KLHL4: variants seen among roughly 807,000 people sequenced by gnomAD.
The protein encoded by KLHL4 is kelch like family member 4.
A neutral mutation model predicts 45.8 loss-of-function variants in KLHL4; 17 were observed. That is an observed-to-expected ratio of 0.37 (90% CI 0.25 to 0.56). The LOEUF is 0.56. Among genes scored for constraint, KLHL4 ranks in the 20% least tolerant of loss-of-function variants. The probability of loss-of-function intolerance (pLI) is 0.79; values close to 1 mark genes in which losing one functional copy is unlikely to be tolerated. For synonymous variants in KLHL4, 224 were observed against 189.9 expected, an observed-to-expected ratio of 1.18 and a Z score of -1.47; for missense variants, 544 against 544.9, an observed-to-expected ratio of 1.00 and a Z score of 0.02.
At position 87,625,604 on chromosome X, in the gene KLHL4, T is replaced by G; in HGVS notation, c.1138-6T>G. ...CATTCATATACCATGCATCACTACT[T>G]TTCAGTTACTGGCAGATCTTGAAAC... On this transcript the variant is annotated splice_region_variant and splice_polypyrimidine_tract_variant and intron_variant, in intron 5 of 10. Transcript: ENST00000373119. 1 of 1,193,453 alleles carries G rather than the reference T, an allele frequency of 8.4e-7. No homozygotes were observed. The highest frequency in any genetic ancestry group is 1.1e-6 in the Non-Finnish European group (1 of 883,711).
At chrX:87,544,283 G>C (rs5967848) in intron 1 of KLHL4, among the ~76,000 whole-genome samples, 26,849 of 110,607 alleles carry the variant, frequency 0.24, 2,762 homozygotes, top group East Asian at 0.51. Flanking sequence ...CTTGTGTTTT[G>C]AGTGCCAGTT....
rs866156155 is a variant in KLHL4, at chrX:87,666,756, C to A, written c.*222C>A. The A allele has an allele frequency of 2.2e-5, 20 of 923,619 alleles. No homozygotes were observed. In the Middle Eastern group the frequency reaches 1.5e-3, roughly 67 times the overall value. 76.1% of individuals were successfully genotyped at this position (923,619 alleles called of 1,213,427 possible). ...TTATTAAGCATATGTGCTTTCGCAG[C>A]TGATAATATAAAAGGAAATCCCACA... On this transcript the variant is annotated 3_prime_UTR_variant, in exon 11 of 11. Transcript: ENST00000373119.
intron 8 of KLHL4, among the ~76,000 whole-genome samples, chrX:87,634,235 T>G (rs1300495370): frequency 9.0e-6 from 1 of 111,534 alleles, no homozygotes; most frequent in African/African-American, 3.3e-5. Flanking sequence ...CTCAAGAAGT[T>G]ACTACTTTTT....
chrX:87,527,814 G>GAA (rs11354717), intron 1 of KLHL4, among the ~76,000 whole-genome samples: 6 of 83,045 alleles, frequency 7.2e-5, no homozygotes, highest in Admixed American at 2.5e-4. Flanking sequence ...CACAAAATTG[G>GAA]AAAAAAAAAA....
At chrX:87,628,414 G>GA (rs1923004456) in intron 6 of KLHL4, among the ~76,000 whole-genome samples, 1 of 111,451 alleles carries the variant, frequency 9.0e-6, no homozygotes, top group African/African-American at 3.3e-5. Flanking sequence ...GAAAAAGAAA[G>GA]AAAAAACCTA....
chrX:87,567,669 C>A (rs773242252), intron 1 of KLHL4, among the ~76,000 whole-genome samples: 24 of 111,992 alleles, frequency 2.1e-4, no homozygotes, highest in African/African-American at 7.8e-4. Context: ...ATAGATGCAG[C>A]TGGAGGTTGT....
In KLHL4 at chrX:87,665,295, A is replaced by G. The variant is rs376606628; in HGVS notation, c.2097+360A>G. Among the ~76,000 whole-genome samples the G allele has an allele frequency of 7.2e-4, 81 of 112,016 alleles. 1 individual carries two copies. The highest frequency in any genetic ancestry group is 2.4e-3 in the African/African-American group (75 of 30,870). On this transcript the variant is annotated intron_variant, in intron 10 of 10. Coordinates refer to ENST00000373119, the MANE Select transcript of KLHL4 (RefSeq NM_019117.5). ...TTTTACCATGGCCAACTTTTTATGT[A>G]TATGTTGTGACCTGAGAACCAAAGG...
chrX:87,621,523 TA>T (rs35849326), intron 4 of KLHL4, among the ~76,000 whole-genome samples: 15 of 100,238 alleles, frequency 1.5e-4, no homozygotes, highest in East Asian at 6.2e-4. Context: ...TTCACTCTAC[TA>T]AAAAAAAAAA....
chrX:87,572,943 G>T (rs73509892), intron 1 of KLHL4, among the ~76,000 whole-genome samples: 2,012 of 110,963 alleles, frequency 0.018, 48 homozygotes, highest in African/African-American at 0.062. Context: ...GTTATTCAAA[G>T]GACAATTTAT....
intron 1 of KLHL4, among the ~76,000 whole-genome samples, chrX:87,535,591 G>A (rs6617401): frequency 0.26 from 28,391 of 109,746 alleles, 3,024 homozygotes; most frequent in East Asian, 0.51. Context: ...GCACCTGGGG[G>A]CTTCTCTATA....
intron 1 of KLHL4, among the ~76,000 whole-genome samples, chrX:87,560,163 A>T (rs1932063433): frequency 8.9e-6 from 1 of 111,866 alleles, no homozygotes; most frequent in African/African-American, 3.2e-5. Context: ...CTGTGACAAT[A>T]ATGCTTCTAT....
intron 1 of KLHL4, among the ~76,000 whole-genome samples, chrX:87,533,104 T>C (rs1252477559): frequency 9.2e-6 from 1 of 108,336 alleles, no homozygotes; most frequent in Non-Finnish European, 1.9e-5. Flanking sequence ...ACACTGTTGG[T>C]GGGACTGTAA....
chrX:87,523,863 TGA>T (rs911278079), intron 1 of KLHL4, among the ~76,000 whole-genome samples: 1 of 110,566 alleles, frequency 9.0e-6, no homozygotes, highest in African/African-American at 3.3e-5. Flanking sequence ...CTCGGGAGGC[TGA>T]GTTAGGAGAA....
At chrX:87,587,516 C>T (rs1206496384) in intron 1 of KLHL4, among the ~76,000 whole-genome samples, 2 of 111,525 alleles carry the variant, frequency 1.8e-5, no homozygotes, top group Non-Finnish European at 3.8e-5. Context: ...CAATGTGATA[C>T]ATCATATCAA....
At chrX:87,527,622 C>G (rs1366187361) in intron 1 of KLHL4, among the ~76,000 whole-genome samples, 1 of 110,436 alleles carries the variant, frequency 9.1e-6, no homozygotes, top group African/African-American at 3.3e-5. Context: ...TTCCAACCCC[C>G]TGGAGAGCTT....
At position 87,524,864 on chromosome X, in the gene KLHL4, TA is replaced by T. The variant is rs1018262474; in HGVS notation, c.422+6557del. Among the ~76,000 whole-genome samples, 18 of 111,439 alleles carry T rather than the reference TA, an allele frequency of 1.6e-4. No individual in the cohort carries two copies. The South Asian group carries it at 6.0e-3, about 37-fold the overall frequency. On this transcript the variant is annotated intron_variant, in intron 1 of 10. Coordinates refer to ENST00000373119, the MANE Select transcript of KLHL4 (RefSeq NM_019117.5). ...TGATTAAACTATCACAGCTTTTCTT[TA>T]AAAAAAATGCAATATTTTAGCAAGG...
At chrX:87,622,084 T>C in intron 4 of KLHL4, 127 bp from the exon 5 acceptor site, 1 of 477,109 alleles carries the variant, frequency 2.1e-6, no homozygotes, top group South Asian at 3.7e-5. Flanking sequence ...CACCTATTTT[T>C]TATAAGTGAA....
At chrX:87,552,709 A>ATC (rs1931860094) in intron 1 of KLHL4, among the ~76,000 whole-genome samples, 1 of 68,434 alleles carries the variant, frequency 1.5e-5, no homozygotes, top group African/African-American at 5.9e-5. Context: ...ATATATATAT[A>ATC]TATAACATGG....
rs192871173 is a variant in KLHL4, at chrX:87,520,569, G to T, written c.422+2254G>T. Among the ~76,000 whole-genome samples, 4 of 112,461 alleles carry T rather than the reference G, an allele frequency of 3.6e-5. No individual in the cohort carries two copies. The East Asian group carries it at 1.1e-3, about 32-fold the overall frequency. On this transcript the variant is annotated intron_variant, in intron 1 of 10. Coordinates refer to ENST00000373119, the MANE Select transcript of KLHL4 (RefSeq NM_019117.5). ...AACATTGTTAAAGTTATGTTGACAT[G>T]TTGGTTTGGAAAGTTAAAAATTCAA...
Sources: allele counts gnomAD v4.1 joint callset (sites outside exome capture counted in the v4.1 genomes callset), GRCh38; gene constraint gnomAD v4.1.1; transcripts MANE v1.5; gene names NCBI Gene and HGNC (gene_info 2026-07-23, HGNC 2026-07-21).